EFCAB5: variants seen among roughly 807,000 people sequenced by gnomAD.
EFCAB5 encodes the protein EF-hand calcium-binding domain-containing protein 5.
In EFCAB5, 131 loss-of-function variants were observed where a neutral mutation model predicts 167.9. The ratio of observed to expected loss-of-function variants is 0.78; its 90% CI spans 0.68 to 0.90. EFCAB5 has a LOEUF of 0.90. Among genes scored for constraint, EFCAB5 ranks in the 40% least tolerant of loss-of-function variants. The probability of loss-of-function intolerance (pLI) is 0.00; values close to 1 mark genes in which losing one functional copy is unlikely to be tolerated. For synonymous variants in EFCAB5, 574 were observed against 602.8 expected (o/e 0.95, Z 0.70); for missense variants, 1,663 against 1,745.2 (o/e 0.95, Z 0.84).
chr17:30,082,742 C>A, intron 17 of EFCAB5, 149 bp from the exon 18 acceptor site: 3 of 812,246 alleles, frequency 3.7e-6, no homozygotes, highest in Non-Finnish European at 3.6e-6. Context: ...GAATCTGGAA[C>A]ACTGCCCTTT....
At chr17:30,050,498 G>T (rs1455826588) in intron 8 of EFCAB5, among the ~76,000 whole-genome samples, 1 of 152,120 alleles carries the variant, frequency 6.6e-6, no homozygotes, top group African/African-American at 2.4e-5. Flanking sequence ...AGGCTGGACT[G>T]CAGTGACATG....
chr17:30,080,320 C>A, intron 16 of EFCAB5, 79 bp downstream of exon 16: 2 of 1,429,416 alleles, frequency 1.4e-6, no homozygotes, highest in Non-Finnish European at 1.9e-6. Flanking sequence ...ATCAAGATCC[C>A]AGCTAGCTGC....
At chr17:30,032,971 C>G (rs1442352034) in intron 7 of EFCAB5, among the ~76,000 whole-genome samples, 3 of 152,284 alleles carry the variant, frequency 2.0e-5, no homozygotes. Flanking sequence ...CTTAAGTGTT[C>G]CCCCTGGTTC....
chr17:30,038,761 T>C (rs2151748513), intron 8 of EFCAB5, among the ~76,000 whole-genome samples: 1 of 152,348 alleles, frequency 6.6e-6, no homozygotes, highest in Admixed American at 6.5e-5. Flanking sequence ...AAAGATAGCC[T>C]TGCTGAGAGA....
chr17:30,075,093 ATTCCCTTTTGTAG>A (rs1300083850), intron 14 of EFCAB5, among the ~76,000 whole-genome samples: 3 of 152,220 alleles, frequency 2.0e-5, no homozygotes, highest in Non-Finnish European at 4.4e-5. Context: ...GTTTCTTCTC[ATTCCCTTTTGTAG>A]TTCCCTTTTC....
intron 22 of EFCAB5, among the ~76,000 whole-genome samples, chr17:30,100,931 G>T (rs2071374235): frequency 6.6e-6 from 1 of 152,232 alleles, no homozygotes; most frequent in East Asian, 1.9e-4. Flanking sequence ...CCCTAAGGCA[G>T]AAACAACCAG....
At chr17:30,076,856 T>C (rs1226629539) in intron 14 of EFCAB5, among the ~76,000 whole-genome samples, 1 of 152,158 alleles carries the variant, frequency 6.6e-6, no homozygotes, top group Non-Finnish European at 1.5e-5. Context: ...GTAACACACA[T>C]TGGTGAAAAT....
At chr17:30,006,367 A>G (rs8072664) in intron 7 of EFCAB5, among the ~76,000 whole-genome samples, 94,417 of 151,976 alleles carry the variant, frequency 0.62, 31,591 homozygotes, top group African/African-American at 0.88. Context: ...TGCTTAGAAG[A>G]TTCTCTTCTT....
chr17:29,972,301 G>A (rs1001334229), intron 4 of EFCAB5, among the ~76,000 whole-genome samples: 2 of 150,168 alleles, frequency 1.3e-5, no homozygotes, highest in African/African-American at 4.9e-5. Context: ...CGCCCGCCTC[G>A]GCTTCCCAAA....
chr17:29,977,591 G>A (rs2068086866), intron 4 of EFCAB5, among the ~76,000 whole-genome samples: 1 of 152,066 alleles, frequency 6.6e-6, no homozygotes, highest in Admixed American at 6.6e-5. Flanking sequence ...ATTCACTATG[G>A]GGTCTGTGTT....
chr17:30,091,930 C>T lies in EFCAB5; in HGVS notation c.3997C>T (p.Leu1333Phe), dbSNP rs756227741. 14 of 1,613,888 alleles carry T rather than the reference C, an allele frequency of 8.7e-6. No individual in the cohort carries two copies. The highest frequency in any genetic ancestry group is 1.3e-5 in the African/African-American group (1 of 74,904). The change falls in exon 21 of 23, where the codon CTC (leucine) becomes TTC (phenylalanine). Residue 1333 changes from leucine to phenylalanine, a missense_variant. By Grantham distance (22) the Leu-to-Phe change is conservative. Coordinates refer to ENST00000394835, the MANE Select transcript of EFCAB5 (RefSeq NM_198529.4). Reference sequence around the variant, plus strand: ...AATTCTCTTCTTCCGAATCATGCTGCTCGAGCTACAGGAAAGCATCCAACT... The same window carrying T: ...AATTCTCTTCTTCCGAATCATGCTGTTCGAGCTACAGGAAAGCATCCAACT... ...AGILFFRIML[L>F]ELQESIQLLN...
At chr17:30,064,632 C>G (rs1161771286) in intron 14 of EFCAB5, among the ~76,000 whole-genome samples, 3 of 152,138 alleles carry the variant, frequency 2.0e-5, no homozygotes, top group Non-Finnish European at 4.4e-5. Context: ...TTTCCCAAGT[C>G]TGGGGAGATA....
intron 4 of EFCAB5, among the ~76,000 whole-genome samples, chr17:29,969,867 T>C (rs1431985643): frequency 6.6e-6 from 1 of 152,148 alleles, no homozygotes; most frequent in East Asian, 1.9e-4. Flanking sequence ...CAAACATGGA[T>C]TATTAATTTT....
intron 7 of EFCAB5, among the ~76,000 whole-genome samples, chr17:30,000,486 A>G (rs113684135): frequency 1.0e-3 from 157 of 152,372 alleles, no homozygotes; most frequent in Non-Finnish European, 1.9e-3. Context: ...ATGAAAAAGT[A>G]TGATTCTATT....
intron 7 of EFCAB5, among the ~76,000 whole-genome samples, chr17:30,015,085 T>C (rs2069000386): frequency 6.6e-6 from 1 of 152,232 alleles, no homozygotes; most frequent in Non-Finnish European, 1.5e-5. Context: ...TATGAAATTC[T>C]GGCTTGAAAA....
At chr17:30,056,516 C>T (rs2070273131) in intron 12 of EFCAB5, among the ~76,000 whole-genome samples, 3 of 152,128 alleles carry the variant, frequency 2.0e-5, no homozygotes, top group Admixed American at 2.0e-4. Context: ...TTCAGCTATT[C>T]CTTTACCTGG....
At chr17:30,028,292 A>G (rs866922434) in intron 7 of EFCAB5, among the ~76,000 whole-genome samples, 15 of 152,196 alleles carry the variant, frequency 9.9e-5, no homozygotes, top group African/African-American at 3.4e-4. Flanking sequence ...TCTTTCCTTT[A>G]ATATACTCTA....
intron 8 of EFCAB5, among the ~76,000 whole-genome samples, chr17:30,044,491 G>T (rs146395234): frequency 6.6e-6 from 1 of 151,862 alleles, no homozygotes; most frequent in African/African-American, 2.4e-5. Flanking sequence ...CACGAGAATC[G>T]CTTGAACCCG....
In EFCAB5 at chr17:30,054,077, A is replaced by T. The variant is rs1208140159; in HGVS notation, c.2123A>T (p.Glu708Val). ...QEKRSWEQTY[E>V]EEIFLSSELQ... Reference sequence around the variant, plus strand: ...AAGAGGTCTTGGGAACAAACATATGAAGAGGAAATATTCCTGAGTTCTGAA... The same window carrying T: ...AAGAGGTCTTGGGAACAAACATATGTAGAGGAAATATTCCTGAGTTCTGAA... Residue 708 changes from glutamate (E) to valine (V), a missense_variant, in exon 10 of 23, where the codon GAA becomes GTA. Coordinates refer to ENST00000394835, the MANE Select transcript of EFCAB5 (RefSeq NM_198529.4). 4.4e-6 allele frequency: 7 copies of T among 1,591,036 alleles called. No homozygotes were observed. The highest frequency in any genetic ancestry group is 6.0e-6 in the Non-Finnish European group (7 of 1,167,726).
Sources: allele counts gnomAD v4.1 joint callset (sites outside exome capture counted in the v4.1 genomes callset), GRCh38; gene constraint gnomAD v4.1.1; transcripts MANE v1.5; gene names NCBI Gene and HGNC (gene_info 2026-07-23, HGNC 2026-07-21).